The following CTSC variants were observed in gnomAD, a reference collection of about 807,000 sequenced individuals.
CTSC encodes the protein dipeptidyl peptidase 1.
CTSC carries 37 observed loss-of-function variants against 40.9 expected under a neutral mutation model. That is an observed-to-expected ratio of 0.91 (90% CI 0.70 to 1.19). CTSC has a LOEUF of 1.19. Ranked by LOEUF, CTSC falls within the 50% of genes most tolerant of loss-of-function variation. CTSC has a pLI of 0.00. For missense variants in CTSC, 594 were observed against 567.3 expected, an observed-to-expected ratio of 1.05 and a Z score of -0.48; for synonymous variants, 232 against 207.4, an observed-to-expected ratio of 1.12 and a Z score of -1.02.
At chr11:88,314,810 G>A (rs1937839807) in intron 2 of CTSC, among the ~76,000 whole-genome samples, 1 of 152,134 alleles carries the variant, frequency 6.6e-6, no homozygotes, top group African/African-American at 2.4e-5. Context: ...TTACAGGTGT[G>A]AGCCACTGTA....
chr11:88,328,417 C>T (rs955338811), intron 2 of CTSC, among the ~76,000 whole-genome samples: 3 of 152,042 alleles, frequency 2.0e-5, no homozygotes, highest in African/African-American at 7.2e-5. Context: ...AAAAAGTATA[C>T]CTATCTCAAT....
chr11:88,325,635 A>T (rs532106695), intron 2 of CTSC: 1 of 985,012 alleles, frequency 1.0e-6, no homozygotes, highest in South Asian at 4.7e-5. Context: ...TATCTACTTT[A>T]CAGAACTTTT....
chr11:88,323,107 C>T (rs1023321337), intron 2 of CTSC: 1 of 152,022 alleles, frequency 6.6e-6, no homozygotes, highest in African/African-American at 2.4e-5. Context: ...GATGCAAGGC[C>T]GGTTCAACAT....
At chr11:88,317,156 A>G (rs1473940767) in intron 2 of CTSC, among the ~76,000 whole-genome samples, 1 of 152,076 alleles carries the variant, frequency 6.6e-6, no homozygotes, top group African/African-American at 2.4e-5. Flanking sequence ...TAGTAGAGAC[A>G]GGGTTTCGCC....
At chr11:88,303,178 C>G (rs971609723) in intron 4 of CTSC, among the ~76,000 whole-genome samples, 1 of 152,126 alleles carries the variant, frequency 6.6e-6, no homozygotes, top group Non-Finnish European at 1.5e-5. Context: ...ACTGTCAACA[C>G]AAAAGACTTC....
chr11:88,313,123 G>A (rs1008076645), intron 2 of CTSC, among the ~76,000 whole-genome samples: 7 of 152,174 alleles, frequency 4.6e-5, no homozygotes, highest in African/African-American at 1.7e-4. Flanking sequence ...AGGCTGGAGT[G>A]CAGTGGTGTG....
intron 2 of CTSC, among the ~76,000 whole-genome samples, chr11:88,329,269 G>A (rs978074828): frequency 6.6e-6 from 1 of 151,754 alleles, no homozygotes; most frequent in Admixed American, 6.6e-5. Flanking sequence ...ATCACTTGGG[G>A]TCAGGAGTTC....
Position 88,331,161 on chromosome 11 carries a change from A to C in CTSC, c.318+3776T>G, listed in dbSNP as rs543190336. On this transcript the variant is annotated intron_variant, in intron 2 of 6. Transcript: ENST00000227266. Reference sequence around the variant, plus strand: ...AGTTCTCCCCACCAGCAAGCAAGCAATCAATTCTGCAGCAGACACCAGCTC... The same window carrying C: ...AGTTCTCCCCACCAGCAAGCAAGCACTCAATTCTGCAGCAGACACCAGCTC... 3.3e-5 allele frequency among the ~76,000 whole-genome samples: 5 copies of C among 152,334 alleles called. No homozygotes were observed. The South Asian group carries it at 1.0e-3, about 32-fold the overall frequency.
chr11:88,308,289 T>C (rs1026560745), intron 4 of CTSC, among the ~76,000 whole-genome samples: 1 of 152,192 alleles, frequency 6.6e-6, no homozygotes, highest in Non-Finnish European at 1.5e-5. Flanking sequence ...GCAGTCAGGC[T>C]GTGGGGAGAA....
At chr11:88,324,617 T>C (rs1017194135) in intron 2 of CTSC, 32 of 984,638 alleles carry the variant, frequency 3.2e-5, no homozygotes, top group African/African-American at 3.5e-5. Context: ...GTGTTGAAGA[T>C]ATACAGGGAG....
intron 2 of CTSC, among the ~76,000 whole-genome samples, chr11:88,329,779 T>G (rs1006467196): frequency 6.6e-6 from 1 of 152,178 alleles, no homozygotes; most frequent in Non-Finnish European, 1.5e-5. Flanking sequence ...CAGGATGGAG[T>G]GCAGTGGTGC....
intron 2 of CTSC, chr11:88,328,247 T>A: frequency 7.9e-7 from 1 of 1,272,820 alleles, no homozygotes; most frequent in Non-Finnish European, 1.1e-6. Flanking sequence ...AGATTAAGCA[T>A]CATCATGAAA....
chr11:88,310,755 T>A (rs577605399), intron 3 of CTSC, among the ~76,000 whole-genome samples: 90 of 152,144 alleles, frequency 5.9e-4, no homozygotes, highest in Non-Finnish European at 5.9e-4. Context: ...ACTAACACAA[T>A]AACAAAAACA....
At position 88,294,285 on chromosome 11, in the gene CTSC, T is replaced by A; in HGVS notation, c.1113A>T (p.Ala371=). 1 of 1,614,120 alleles carries A rather than the reference T, an allele frequency of 6.2e-7. No homozygotes were observed. Among genetic ancestry groups the A allele is most frequent in the South Asian group, 1.1e-5 (1 of 91,078 alleles). Residue 371 remains alanine (A), a synonymous_variant, in exon 7 of 7, where the codon GCA becomes GCT. Coordinates refer to ENST00000227266, the MANE Select transcript of CTSC (RefSeq NM_001814.6). ...AGTCATCATATACTTCAAAAGCAAC[T>A]GCCATGGGCCCATGATGGACCAACT... ...KLELVHHGPM[A]VAFEVYDDFL...
At chr11:88,333,534 C>G (rs533203344) in intron 2 of CTSC, among the ~76,000 whole-genome samples, 1 of 152,306 alleles carries the variant, frequency 6.6e-6, no homozygotes, top group South Asian at 2.1e-4. Flanking sequence ...GATTCTTAAT[C>G]TGAAGTCAAA....
rs758759744 is a variant in CTSC, at chr11:88,328,225, G to C, written c.318+6712C>G. ...CAAAGAGTTTACAATGGTAAACTGA[G>C]TCATTATGTTGAGATTAAGCATCAT... On this transcript the variant is annotated intron_variant, in intron 2 of 6. Transcript: ENST00000227266. The C allele has an allele frequency of 2.0e-6, 3 of 1,482,746 alleles. No individual in the cohort carries two copies. The African/African-American group carries it at 4.2e-5, about 21-fold the overall frequency. 91.8% of individuals were successfully genotyped at this position (1,482,746 alleles called of 1,614,324 possible).
chr11:88,305,518 T>G (rs577470704), intron 4 of CTSC, among the ~76,000 whole-genome samples: 6 of 152,352 alleles, frequency 3.9e-5, no homozygotes, highest in Admixed American at 3.9e-4. Flanking sequence ...TAGTGAAAGC[T>G]CTAGATTCAG....
chr11:88,334,847 TA>T, intron 2 of CTSC, 89 bp downstream of exon 2: 1 of 975,144 alleles, frequency 1.0e-6, no homozygotes, highest in Non-Finnish European at 1.6e-6. Flanking sequence ...CTTCTTAATC[TA>T]AAATTAAAAT....
intron 3 of CTSC, among the ~76,000 whole-genome samples, chr11:88,310,030 G>A (rs1291172210): frequency 1.3e-5 from 2 of 152,148 alleles, no homozygotes; most frequent in East Asian, 3.9e-4. Flanking sequence ...ATAACCATAT[G>A]ATACTAAAAG....
Sources: allele counts gnomAD v4.1 joint callset (sites outside exome capture counted in the v4.1 genomes callset), GRCh38; gene constraint gnomAD v4.1.1; transcripts MANE v1.5; gene names NCBI Gene and HGNC (gene_info 2026-07-23, HGNC 2026-07-21).